Variants in AGMO observed in about 807,000 individuals in gnomAD.
AGMO encodes alkylglycerol monooxygenase, also known as glyceryl-ether monooxygenase.
A neutral mutation model predicts 60.2 loss-of-function variants in AGMO; 75 were observed. The ratio of observed to expected loss-of-function variants is 1.25; its 90% CI spans 1.03 to 1.51. The LOEUF (loss-of-function observed/expected upper bound fraction) is 1.51. Ranked by LOEUF, AGMO falls within the 40% of genes most tolerant of loss-of-function variation. AGMO has a pLI of 0.00. For synonymous variants in AGMO, 261 were observed against 177.1 expected (o/e 1.47, Z -3.76); for missense variants, 763 against 525.5 (o/e 1.45, Z -4.42).
chr7:15,222,668 T>C (rs1032533080), intron 12 of AGMO, among the ~76,000 whole-genome samples: 1 of 152,038 alleles, frequency 6.6e-6, no homozygotes, highest in Admixed American at 6.6e-5. Flanking sequence ...ATTTTCAAAC[T>C]TACAGAAAAA....
rs1563105568 is a variant in AGMO, at chr7:15,354,438, ATACACACGTGTGTG to A, written c.1263+11062_1263+11075del. Among the ~76,000 whole-genome samples, 21 of 19,824 alleles carry A rather than the reference ATACACACGTGTGTG, an allele frequency of 1.1e-3. 1 individual carries two copies. The highest frequency in any genetic ancestry group is 9.2e-3 in the African/African-American group (18 of 1,946). The allele number at this position is 19,824 out of a possible 152,430, so 13.0% of individuals were successfully genotyped here. A position where few individuals can be genotyped will look rare whatever the true frequency, so the allele number is the denominator to read the frequency against. On this transcript the variant is annotated intron_variant, in intron 12 of 12. Coordinates refer to ENST00000342526, the MANE Select transcript of AGMO (RefSeq NM_001004320.2). ...TGTGTGTATACACACACGTGTGTGTATACACACGTGTGTGTATACACACGTGTGTGTATACACAC... is the reference window on the plus strand; with the variant it reads ...TGTGTGTATACACACACGTGTGTGTATATACACACGTGTGTGTATACACAC...
intron 3 of AGMO, among the ~76,000 whole-genome samples, chr7:15,513,603 G>C (rs1464645777): frequency 6.6e-6 from 1 of 152,116 alleles, no homozygotes; most frequent in Non-Finnish European, 1.5e-5. Context: ...GGCTGTTTCT[G>C]CAGGCTTGCC....
chr7:15,347,383 G>T (rs1387748026), intron 12 of AGMO, among the ~76,000 whole-genome samples: 1 of 151,976 alleles, frequency 6.6e-6, no homozygotes, highest in Non-Finnish European at 1.5e-5. Flanking sequence ...ACTGATGAAA[G>T]CTGACAACAG....
At chr7:15,118,456 T>C in the AGMO span, among the ~76,000 whole-genome samples, 13 of 152,132 alleles carry the variant, frequency 8.5e-5, no homozygotes, top group Admixed American at 3.3e-4. Context: ...CTATTGATTA[T>C]AGAAAACTGA....
At chr7:15,394,818 C>T (rs1016987876) in intron 5 of AGMO, among the ~76,000 whole-genome samples, 6 of 152,270 alleles carry the variant, frequency 3.9e-5, no homozygotes, top group South Asian at 2.1e-4. Context: ...CATCTCTTAC[C>T]TTTAGAGGCA....
At chr7:15,203,469 G>T (rs563136029) in intron 12 of AGMO, among the ~76,000 whole-genome samples, 1 of 151,554 alleles carries the variant, frequency 6.6e-6, no homozygotes, top group East Asian at 1.9e-4. Flanking sequence ...CAGTACTGAA[G>T]TTAGCAGTCT....
In AGMO at chr7:15,430,290, C is replaced by G. The variant is rs189697683; in HGVS notation, c.513+715G>C. On this transcript the variant is annotated intron_variant, in intron 4 of 12. Coordinates refer to ENST00000342526, the MANE Select transcript of AGMO (RefSeq NM_001004320.2). ...CACCAATATTAAGTATGTATGATTA[C>G]TGATTTTACGCATCAGTTACTCTGA... Among the ~76,000 whole-genome samples, 4 of 151,860 alleles carry G rather than the reference C, an allele frequency of 2.6e-5. No individual in the cohort carries two copies. The East Asian group carries it at 7.7e-4, about 29-fold the overall frequency.
At chr7:15,397,070 T>C (rs532326288) in intron 5 of AGMO, among the ~76,000 whole-genome samples, 1 of 152,140 alleles carries the variant, frequency 6.6e-6, no homozygotes, top group Admixed American at 6.5e-5. Flanking sequence ...AGAAGCCCAG[T>C]TGGCTTCACC....
chr7:15,451,553 A>ACAAATT (rs1349412961), intron 3 of AGMO, among the ~76,000 whole-genome samples: 1 of 152,174 alleles, frequency 6.6e-6, no homozygotes, highest in Non-Finnish European at 1.5e-5. Context: ...GGACGAGCAG[A>ACAAATT]CAAATTCCCT....
intron 3 of AGMO, among the ~76,000 whole-genome samples, chr7:15,447,193 C>G (rs1781722178): frequency 6.6e-6 from 1 of 152,196 alleles, no homozygotes; most frequent in Non-Finnish European, 1.5e-5. Context: ...ACATCAGCCT[C>G]ATAATAACCT....
intron 10 of AGMO, among the ~76,000 whole-genome samples, chr7:15,372,644 T>A (rs1413062141): frequency 1.3e-5 from 2 of 151,918 alleles, no homozygotes; most frequent in African/African-American, 4.8e-5. Flanking sequence ...GAAAAAAAAA[T>A]AGAATTTATA....
At chr7:15,386,548 G>C (rs543987703) in intron 9 of AGMO, among the ~76,000 whole-genome samples, 3 of 152,168 alleles carry the variant, frequency 2.0e-5, no homozygotes, top group South Asian at 2.1e-4. Flanking sequence ...AACATAAACG[G>C]AAGTGGGAAA....
intron 12 of AGMO, among the ~76,000 whole-genome samples, chr7:15,325,943 G>A (rs556328401): frequency 1.3e-5 from 2 of 152,136 alleles, no homozygotes; most frequent in South Asian, 4.1e-4. Context: ...AGGAGAGGGA[G>A]AGCAAGAGGA....
chr7:15,175,658 G>A, the AGMO span, among the ~76,000 whole-genome samples: 1 of 151,650 alleles, frequency 6.6e-6, no homozygotes, highest in South Asian at 2.1e-4. Context: ...TATTTCACAT[G>A]GCATTTTAAT....
intron 12 of AGMO, among the ~76,000 whole-genome samples, chr7:15,328,043 T>C (rs951533256): frequency 1.3e-5 from 2 of 152,130 alleles, no homozygotes; most frequent in African/African-American, 4.8e-5. Flanking sequence ...CCCAAAGTGC[T>C]GGGATTGCAG....
chr7:15,420,161 C>A (rs985544485), intron 4 of AGMO, among the ~76,000 whole-genome samples: 2 of 152,056 alleles, frequency 1.3e-5, no homozygotes, highest in African/African-American at 2.4e-5. Flanking sequence ...TGTGGAGAAG[C>A]AGTCCCTTGA....
chr7:15,137,983 C>T, the AGMO span, among the ~76,000 whole-genome samples: 9 of 152,126 alleles, frequency 5.9e-5, no homozygotes, highest in Admixed American at 5.2e-4. Context: ...CACTCTCTGG[C>T]CCTTTGCTTA....
intron 10 of AGMO, among the ~76,000 whole-genome samples, chr7:15,381,158 C>T (rs1434516265): frequency 6.6e-6 from 1 of 152,014 alleles, no homozygotes; most frequent in Admixed American, 6.6e-5. Context: ...ACAATTGCAA[C>T]AAAACCAAAA....
intron 12 of AGMO, among the ~76,000 whole-genome samples, chr7:15,227,311 A>G (rs1782114173): frequency 6.6e-6 from 1 of 152,030 alleles, no homozygotes; most frequent in Admixed American, 6.6e-5. Context: ...CTGCCTACTG[A>G]TCAACCATGT....
Sources: gnomAD v4.1 joint callset for allele counts (sites outside exome capture counted in the v4.1 genomes callset) on GRCh38, gnomAD v4.1.1 for gene constraint, MANE v1.5 for transcripts, NCBI Gene and HGNC (gene_info 2026-07-23, HGNC 2026-07-21) for gene names.